PLCB1: variants seen among roughly 807,000 people sequenced by gnomAD.
The protein encoded by PLCB1 is phospholipase C beta 1, also known as 1-phosphatidylinositol 4,5-bisphosphate phosphodiesterase beta-1.
A neutral mutation model predicts 161.8 loss-of-function variants in PLCB1; 46 were observed. The observed-to-expected ratio is 0.28, with a 90% CI of 0.22 to 0.36. The LOEUF (loss-of-function observed/expected upper bound fraction) is 0.36. PLCB1 is among the 10% of genes least tolerant of loss of function. The pLI, the probability that PLCB1 is intolerant of heterozygous loss-of-function variation, is 1.00. For missense variants in PLCB1, 1,016 were observed against 1,472.5 expected (o/e 0.69, Z 5.07); for synonymous variants, 517 against 503.7 (o/e 1.03, Z -0.35).
chr20:8,613,255 A>C (rs1987951014), intron 3 of PLCB1, among the ~76,000 whole-genome samples: 2 of 152,220 alleles, frequency 1.3e-5, no homozygotes, highest in East Asian at 3.8e-4. Context: ...CAATCATATA[A>C]AATGACATCA....
At chr20:8,845,973 C>T (rs1318332168) in intron 31 of PLCB1, among the ~76,000 whole-genome samples, 3 of 152,198 alleles carry the variant, frequency 2.0e-5, no homozygotes, top group African/African-American at 7.2e-5. Flanking sequence ...ATTCCATAAT[C>T]AGGAAACCCA....
chr20:8,302,164 G>T (rs1185264095), intron 2 of PLCB1, among the ~76,000 whole-genome samples: 1 of 152,198 alleles, frequency 6.6e-6, no homozygotes, highest in Non-Finnish European at 1.5e-5. Flanking sequence ...TCTTGCTGTA[G>T]TTGCTATTAG....
chr20:8,336,472 G>A (rs923743682), intron 2 of PLCB1, among the ~76,000 whole-genome samples: 1 of 152,106 alleles, frequency 6.6e-6, no homozygotes, highest in African/African-American at 2.4e-5. Context: ...ATGAGTAGCA[G>A]GCTTGCCATG....
At chr20:8,305,788 G>A (rs1167006139) in intron 2 of PLCB1, 1 of 152,094 alleles carries the variant, frequency 6.6e-6, no homozygotes, top group African/African-American at 2.4e-5. Context: ...ACCCTACATC[G>A]GCTGCAGTAC....
At position 8,381,885 on chromosome 20, in the gene PLCB1, G is replaced by A. The variant is rs1405605203; in HGVS notation, c.246+10435G>A. The stretch of plus-strand genomic sequence containing the variant: ...GTCTATCTATTTTGTTAATTTTTTC[G>A]GGAAAAAAAGAAGAAGCTCCTGGAT... On this transcript the variant is annotated intron_variant, in intron 3 of 31. Coordinates refer to ENST00000338037, the MANE Select transcript of PLCB1 (RefSeq NM_015192.4). Among the ~76,000 whole-genome samples, 8 of 150,210 alleles carry A rather than the reference G, an allele frequency of 5.3e-5. No homozygotes were observed. The South Asian group carries it at 1.3e-3, about 24-fold the overall frequency.
At chr20:8,308,502 A>G (rs1274151277) in intron 2 of PLCB1, among the ~76,000 whole-genome samples, 2 of 151,864 alleles carry the variant, frequency 1.3e-5, no homozygotes, top group African/African-American at 4.8e-5. Context: ...CTGTAATCCC[A>G]GCTACTCGGG....
intron 3 of PLCB1, among the ~76,000 whole-genome samples, chr20:8,467,926 G>A (rs1981887653): frequency 6.6e-6 from 1 of 152,140 alleles, no homozygotes; most frequent in South Asian, 2.1e-4. Context: ...AATTTAACTA[G>A]CATTTTCCTA....
chr20:8,425,216 A>C (rs2122558568), intron 3 of PLCB1, among the ~76,000 whole-genome samples: 1 of 151,004 alleles, frequency 6.6e-6, no homozygotes, highest in Admixed American at 6.6e-5. Context: ...ATCAGAGGCT[A>C]GGGTGAAGTT....
chr20:8,791,179 T>G (rs2146224216), intron 31 of PLCB1, among the ~76,000 whole-genome samples: 1 of 152,190 alleles, frequency 6.6e-6, no homozygotes, highest in South Asian at 2.1e-4. Flanking sequence ...AGACATTTAT[T>G]TAATATTTTT....
intron 3 of PLCB1, among the ~76,000 whole-genome samples, chr20:8,539,293 G>A (rs1214567237): frequency 6.6e-6 from 1 of 152,074 alleles, no homozygotes; most frequent in Non-Finnish European, 1.5e-5. Context: ...AGACTCTCAA[G>A]TAAAAAAATG....
At chr20:8,625,330 G>A (rs753180840) in intron 3 of PLCB1, 3 of 151,992 alleles carry the variant, frequency 2.0e-5, no homozygotes, top group East Asian at 1.9e-4. Flanking sequence ...TGTCTTTCTC[G>A]GTCTACCCCT....
intron 3 of PLCB1, among the ~76,000 whole-genome samples, chr20:8,514,176 C>T (rs112642313): frequency 0.074 from 11,209 of 152,072 alleles, 520 homozygotes; most frequent in Middle Eastern, 0.11. Context: ...TGGTGGCTCA[C>T]GCCTGTAATT....
At chr20:8,621,105 G>A (rs535313269) in intron 3 of PLCB1, among the ~76,000 whole-genome samples, 25 of 152,260 alleles carry the variant, frequency 1.6e-4, no homozygotes, top group Non-Finnish European at 2.5e-4. Context: ...ACAAACAGGC[G>A]TCATTATGAT....
intron 3 of PLCB1, among the ~76,000 whole-genome samples, chr20:8,413,263 C>G (rs1358384258): frequency 6.6e-6 from 1 of 152,060 alleles, no homozygotes; most frequent in Non-Finnish European, 1.5e-5. Context: ...CTTGCCTCAG[C>G]CTTACTGTTA....
chr20:8,288,746 T>A (rs1455694296), intron 2 of PLCB1, among the ~76,000 whole-genome samples: 1 of 152,190 alleles, frequency 6.6e-6, no homozygotes, highest in East Asian at 1.9e-4. Context: ...GAAGGGAACC[T>A]GAGTGGGGCA....
At chr20:8,875,589 A>G (rs555815654) in intron 31 of PLCB1, among the ~76,000 whole-genome samples, 172 of 150,256 alleles carry the variant, frequency 1.1e-3, no homozygotes, top group African/African-American at 3.9e-3. Flanking sequence ...TCTTTCATAC[A>G]CTTCATTGGG....
chr20:8,282,240 CAA>C (rs918004762), intron 2 of PLCB1, among the ~76,000 whole-genome samples: 2 of 152,106 alleles, frequency 1.3e-5, no homozygotes, highest in Non-Finnish European at 2.9e-5. Context: ...TTAATAAAAA[CAA>C]GAGAATCACA....
rs533488351 is a variant in PLCB1 at position 8,663,267 on chromosome 20, C to T, written c.862+4563C>T. ...ACATACACAGAGACACACACACAGT[C>T]TCTGATATCAATAAACATATCTTAA... On this transcript the variant is annotated intron_variant, in intron 9 of 31. Coordinates refer to ENST00000338037, the MANE Select transcript of PLCB1 (RefSeq NM_015192.4). Among the ~76,000 whole-genome samples, 382 of 151,860 alleles carry T rather than the reference C, an allele frequency of 2.5e-3. 2 individuals carry two copies. Among genetic ancestry groups the T allele is most frequent in the Middle Eastern group, 3.4e-3 (1 of 292 alleles).
chr20:8,628,940 A>AT (rs1988441873), intron 4 of PLCB1, among the ~76,000 whole-genome samples: 5 of 152,264 alleles, frequency 3.3e-5, no homozygotes, highest in African/African-American at 1.2e-4. Flanking sequence ...CTCAAAAAAA[A>AT]AAAATAAATA....
Sources: gnomAD v4.1 joint callset for allele counts (sites outside exome capture counted in the v4.1 genomes callset) on GRCh38, gnomAD v4.1.1 for gene constraint, MANE v1.5 for transcripts, NCBI Gene and HGNC (gene_info 2026-07-23, HGNC 2026-07-21) for gene names.